The following PAK5 variants were observed in gnomAD, a reference collection of about 807,000 sequenced individuals.
PAK5 encodes p21 (RAC1) activated kinase 5.
Under a neutral mutation model 65.9 loss-of-function variants are expected in PAK5, and 16 were observed. That is an observed-to-expected ratio of 0.24 (90% CI 0.16 to 0.37). PAK5 has a LOEUF of 0.37. Ranked by LOEUF, PAK5 falls within the 10% of genes least tolerant of loss-of-function variation. The probability of loss-of-function intolerance (pLI) is 1.00; values close to 1 mark genes in which losing one functional copy is unlikely to be tolerated. For synonymous variants in PAK5, 371 were observed against 354.9 expected (o/e 1.05, Z -0.51); for missense variants, 785 against 903.9 (o/e 0.87, Z 1.69).
intron 1 of PAK5, among the ~76,000 whole-genome samples, chr20:9,821,140 G>A (rs2049415574): frequency 6.6e-6 from 1 of 152,070 alleles, no homozygotes; most frequent in Non-Finnish European, 1.5e-5. Context: ...CAGCATTTTG[G>A]GAGGCCGAGG....
chr20:9,720,103 A>G (rs553582828), intron 1 of PAK5, among the ~76,000 whole-genome samples: 2 of 152,170 alleles, frequency 1.3e-5, no homozygotes, highest in African/African-American at 2.4e-5. Flanking sequence ...ATGGGAGAAG[A>G]GTGGTGAGAG....
intron 5 of PAK5, among the ~76,000 whole-genome samples, chr20:9,563,830 G>C (rs559464826): frequency 6.6e-6 from 1 of 152,212 alleles, no homozygotes; most frequent in African/African-American, 2.4e-5. Flanking sequence ...CTCTCTGTGA[G>C]ATTTGGAGCG....
chr20:9,822,805 A>G (rs567198037), intron 1 of PAK5, among the ~76,000 whole-genome samples: 1 of 152,342 alleles, frequency 6.6e-6, no homozygotes, highest in Non-Finnish European at 1.5e-5. Context: ...AAGTACAGAG[A>G]AACTAACATT....
intron 3 of PAK5, among the ~76,000 whole-genome samples, chr20:9,622,908 G>C (rs2046791577): frequency 6.6e-6 from 1 of 152,130 alleles, no homozygotes. Flanking sequence ...CTCTCTCTCT[G>C]TTTCTCTCTC....
intron 1 of PAK5, among the ~76,000 whole-genome samples, chr20:9,792,592 T>C (rs1457803806): frequency 2.0e-5 from 3 of 152,126 alleles, no homozygotes; most frequent in Non-Finnish European, 2.9e-5. Flanking sequence ...ACAATTTAAT[T>C]TTCAAGAAAC....
chr20:9,542,739 T>A lies in PAK5; in HGVS notation c.1870-19A>T. ...TGTCCACCTGTTAGGCACACCCTAC[T>A]GGTTATCTCAGGCAAGGAGAACATT... On this transcript the variant is annotated intron_variant, in intron 8 of 9. Transcript: ENST00000353224. The A allele has an allele frequency of 6.2e-7, 1 of 1,610,396 alleles. No individual in the cohort carries two copies. Among genetic ancestry groups the A allele is most frequent in the Non-Finnish European group, 8.5e-7 (1 of 1,177,298 alleles).
chr20:9,614,451 A>G (rs2046618714), intron 3 of PAK5, among the ~76,000 whole-genome samples: 1 of 152,240 alleles, frequency 6.6e-6, no homozygotes, highest in South Asian at 2.1e-4. Context: ...ACTGAAAATC[A>G]GACACCAAAC....
rs554036465 is a variant in PAK5 at position 9,838,731 on chromosome 20, C to A, written c.-162+31G>T. The A allele has an allele frequency of 6.6e-6, 1 of 152,312 alleles. No individual in the cohort carries two copies. The highest frequency in any genetic ancestry group is 2.1e-4 in the South Asian group (1 of 4,836). The allele number at this position is 152,312 out of a possible 1,614,324, so 9.4% of individuals were successfully genotyped here. ...CGCCTCTCCTCTCGCCGATACCCAC[C>A]CAGGCAGTCCCGACAGGCGCGCCTG... On this transcript the variant is annotated intron_variant, in intron 1 of 9. Transcript: ENST00000353224. This position sits in a 1 kb window ranked among gnomAD's most constrained non-coding sequence, Gnocchi z 4.5.
Position 9,765,876 on chromosome 20 carries a change from T to C in PAK5, c.-161-54441A>G, listed in dbSNP as rs148082990. Among the ~76,000 whole-genome samples the C allele has an allele frequency of 1.1e-4, 16 of 152,256 alleles. 2 individuals carry two copies. Among genetic ancestry groups the C allele is most frequent in the African/African-American group, 3.8e-4 (16 of 41,574 alleles). ...GATCACCAAGAGACATGCACTAGAA[T>C]GCTCACTGCAGCACTACTCATAACC... On this transcript the variant is annotated intron_variant, in intron 1 of 9. Transcript: ENST00000353224.
intron 7 of PAK5, among the ~76,000 whole-genome samples, chr20:9,554,161 G>C (rs1200859427): frequency 6.6e-6 from 1 of 152,170 alleles, no homozygotes; most frequent in African/African-American, 2.4e-5. Context: ...CAATAATTTT[G>C]CCTATCCCAT....
intron 5 of PAK5, among the ~76,000 whole-genome samples, chr20:9,563,412 A>G (rs551032910): frequency 6.6e-6 from 1 of 152,330 alleles, no homozygotes; most frequent in African/African-American, 2.4e-5. Flanking sequence ...GCAAAGGGTC[A>G]CCAACTCGTA....
intron 3 of PAK5, among the ~76,000 whole-genome samples, chr20:9,641,004 T>C (rs1033147321): frequency 1.3e-5 from 2 of 152,094 alleles, no homozygotes; most frequent in Admixed American, 1.3e-4. Context: ...GCAGCCTGCT[T>C]TTATTCTTTT....
intron 9 of PAK5, among the ~76,000 whole-genome samples, chr20:9,540,005 C>A (rs1242317123): frequency 6.6e-6 from 1 of 152,200 alleles, no homozygotes; most frequent in Middle Eastern, 3.2e-3. Flanking sequence ...ACCACACAGG[C>A]TCTGTGGAAC....
intron 1 of PAK5, among the ~76,000 whole-genome samples, chr20:9,732,651 C>T (rs1247102710): frequency 1.3e-5 from 2 of 151,868 alleles, no homozygotes; most frequent in African/African-American, 4.8e-5. Context: ...CACACACTTC[C>T]CTTTCCTACA....
chr20:9,595,150 T>TA (rs1201022775), intron 3 of PAK5, among the ~76,000 whole-genome samples: 2 of 151,238 alleles, frequency 1.3e-5, no homozygotes, highest in Non-Finnish European at 2.9e-5. Context: ...TAGTATCAAA[T>TA]AAAAAAAATC....
At chr20:9,827,935 G>T (rs758016032) in intron 1 of PAK5, among the ~76,000 whole-genome samples, 5 of 152,182 alleles carry the variant, frequency 3.3e-5, no homozygotes, top group Non-Finnish European at 7.4e-5. Context: ...GGGTTCAAGC[G>T]ATTCTCTTGC....
chr20:9,539,192 C>A lies in PAK5; in HGVS notation c.*270G>T, dbSNP rs987722337. 2.8e-6 allele frequency: 1 copy of A among 351,302 alleles called. No homozygotes were observed. The highest frequency in any genetic ancestry group is 4.0e-5 in the Admixed American group (1 of 25,202). The allele number at this position is 351,302 out of a possible 1,614,324, so 21.8% of individuals were successfully genotyped here. A position where few individuals can be genotyped will look rare whatever the true frequency, so the allele number is the denominator to read the frequency against. On this transcript the variant is annotated 3_prime_UTR_variant, in exon 10 of 10. Transcript: ENST00000353224. ...TATCATAACGGAGTTTGTACTGAGT[C>A]CTTCTGATTTGCTGGATGAAGGGCT...
chr20:9,737,718 A>G (rs559373288), intron 1 of PAK5, among the ~76,000 whole-genome samples: 36 of 152,356 alleles, frequency 2.4e-4, no homozygotes, highest in African/African-American at 8.7e-4. Context: ...TGACAACTAT[A>G]CACATAAAAT....
At position 9,539,655 on chromosome 20, in the gene PAK5, C is replaced by T. The variant is rs368420236; in HGVS notation, c.2005-38G>A. 9 of 1,582,128 alleles carry T rather than the reference C, an allele frequency of 5.7e-6. No homozygotes were observed. The African/African-American group carries it at 1.1e-4, about 19-fold the overall frequency. ...ACAGATACCAATCTGAGGACTAACACAGACACCTAACCCAGTCCCCAAAAT... is the reference window on the plus strand; with the variant it reads ...ACAGATACCAATCTGAGGACTAACATAGACACCTAACCCAGTCCCCAAAAT... On this transcript the variant is annotated intron_variant, in intron 9 of 9. Coordinates refer to ENST00000353224, the MANE Select transcript of PAK5 (RefSeq NM_177990.4).
Sources: allele counts gnomAD v4.1 joint callset (sites outside exome capture counted in the v4.1 genomes callset), GRCh38; gene constraint gnomAD v4.1.1; non-coding constraint Gnocchi (gnomAD v3.1); transcripts MANE v1.5; gene names NCBI Gene and HGNC (gene_info 2026-07-23, HGNC 2026-07-21).